The following ABHD18 variants were observed in gnomAD, a reference collection of about 807,000 sequenced individuals.
The protein encoded by ABHD18 is abhydrolase domain containing 18, also known as cardiolipin-specific deacylase, mitochondrial.
In ABHD18, 55 loss-of-function variants were observed where a neutral mutation model predicts 65.9. The ratio of observed to expected loss-of-function variants is 0.84; its 90% confidence interval spans 0.67 to 1.05. The LOEUF (loss-of-function observed/expected upper bound fraction) is 1.05, where lower values mean the gene tolerates loss of function less well. Ranked by LOEUF, ABHD18 falls within the 50% of genes least tolerant of loss-of-function variation. The probability of loss-of-function intolerance (pLI) is 0.00; values close to 1 mark genes in which losing one functional copy is unlikely to be tolerated. For missense variants in ABHD18, 533 were observed against 558.5 expected, an observed-to-expected ratio of 0.95 and a Z score of 0.46; for synonymous variants, 181 against 180.2, an observed-to-expected ratio of 1.00 and a Z score of -0.04.
intron 7 of ABHD18, among the ~76,000 whole-genome samples, chr4:128,012,671 T>C (rs1754770032): frequency 6.6e-6 from 1 of 152,114 alleles, no homozygotes; most frequent in Middle Eastern, 3.2e-3. Context: ...AGGAGCCACC[T>C]GCATGAAGAC....
At chr4:127,995,753 T>G (rs1355412665) in intron 4 of ABHD18, among the ~76,000 whole-genome samples, 2 of 152,222 alleles carry the variant, frequency 1.3e-5, no homozygotes, top group Non-Finnish European at 2.9e-5. Context: ...TGCTTTTTTC[T>G]AATGATTACA....
chr4:128,022,756 G>C (rs1475303220), intron 10 of ABHD18, among the ~76,000 whole-genome samples: 1 of 150,748 alleles, frequency 6.6e-6, no homozygotes, highest in Non-Finnish European at 1.5e-5. Context: ...CTTCAAAAGT[G>C]ACCGATCCTT....
Position 128,021,273 on chromosome 4 carries a change from G to C in ABHD18, c.801+35G>C, listed in dbSNP as rs536190381. 9 of 1,213,732 alleles carry C rather than the reference G, an allele frequency of 7.4e-6. No individual in the cohort carries two copies. In the South Asian group the frequency reaches 1.2e-4, roughly 16 times the overall value. The allele number at this position is 1,213,732 out of a possible 1,614,324, so 75.2% of individuals were successfully genotyped here. A position where few individuals can be genotyped will look rare whatever the true frequency, so the allele number is the denominator to read the frequency against. On this transcript the variant is annotated intron_variant, in intron 10 of 12. Coordinates refer to ENST00000645843, the MANE Select transcript of ABHD18 (RefSeq NM_001358451.3). ...TCACTTTCCACCCAACATTGGTGGTGGGGGGAGTTGATTGTATATTTAATG... is the reference window on the plus strand; with the variant it reads ...TCACTTTCCACCCAACATTGGTGGTCGGGGGAGTTGATTGTATATTTAATG...
chr4:128,021,099 A>G, intron 9 of ABHD18, 38 bp from the exon 10 acceptor site: 1 of 1,302,398 alleles, frequency 7.7e-7, no homozygotes, highest in East Asian at 2.5e-5. Flanking sequence ...AAATTGCCTT[A>G]TGATGTGGTT....
chr4:127,972,308 G>A (rs1293725815), intron 1 of ABHD18, among the ~76,000 whole-genome samples: 1 of 152,020 alleles, frequency 6.6e-6, no homozygotes, highest in Non-Finnish European at 1.5e-5. Flanking sequence ...TGAATCTTTG[G>A]CCATGTGATT....
At chr4:128,023,673 G>T (rs943240746) in intron 10 of ABHD18, among the ~76,000 whole-genome samples, 23 of 151,630 alleles carry the variant, frequency 1.5e-4, no homozygotes, top group African/African-American at 5.6e-4. Context: ...GAGGTCAGGA[G>T]ATCGAGACCA....
intron 1 of ABHD18, among the ~76,000 whole-genome samples, chr4:127,974,366 C>T (rs1747489046): frequency 6.6e-6 from 1 of 151,006 alleles, no homozygotes; most frequent in South Asian, 2.1e-4. Flanking sequence ...GACCACTGCA[C>T]CCAACTGTAT....
chr4:128,030,518 G>T lies in ABHD18; in HGVS notation c.1189G>T (p.Asp397Tyr), dbSNP rs1467261271. The change falls in exon 12 of 13, where the codon GAT becomes TAT. Residue 397 changes from aspartate to tyrosine, a missense_variant. By Grantham distance (160) the Asp-to-Tyr change is radical. Coordinates refer to ENST00000645843, the MANE Select transcript of ABHD18 (RefSeq NM_001358451.3). ...AAAAATCCTATACCTAGTCCCAGTTGATCCAAGCCTCATTATAGTGGTTCA... is the reference window on the plus strand; with the variant it reads ...AAAAATCCTATACCTAGTCCCAGTTTATCCAAGCCTCATTATAGTGGTTCA... The part of the protein sequence containing the change: ...THVANFSVPV[D>Y]PSLIIVVQAK... 1.3e-6 allele frequency: 2 copies of T among 1,549,016 alleles called. No homozygotes were observed. The highest frequency in any genetic ancestry group is 1.4e-5 in the African/African-American group (1 of 71,140).
intron 4 of ABHD18, among the ~76,000 whole-genome samples, chr4:128,000,524 G>T (rs894387167): frequency 3.3e-5 from 5 of 152,124 alleles, no homozygotes; most frequent in Non-Finnish European, 7.3e-5. Flanking sequence ...GTGCTGTTTT[G>T]GTTACTATAG....
chr4:127,967,135 T>C (rs1478743408), intron 1 of ABHD18, among the ~76,000 whole-genome samples: 2 of 151,796 alleles, frequency 1.3e-5, no homozygotes, highest in African/African-American at 4.8e-5. Flanking sequence ...GGCACATATA[T>C]AGTGGACAAG....
At chr4:128,015,865 A>C (rs1328211514) in intron 7 of ABHD18, among the ~76,000 whole-genome samples, 1 of 152,042 alleles carries the variant, frequency 6.6e-6, no homozygotes, top group Admixed American at 6.6e-5. Context: ...AGTAGATTCT[A>C]ATTTGGTCAT....
At chr4:127,965,808 G>C (rs1745144479) in intron 1 of ABHD18, 1 of 155,148 alleles carries the variant, frequency 6.4e-6, no homozygotes, top group South Asian at 1.9e-4. Flanking sequence ...TAATGGGGGC[G>C]AGCGCGCGGG....
At chr4:128,022,769 CTTT>C (rs1234304858) in intron 10 of ABHD18, among the ~76,000 whole-genome samples, 2 of 130,954 alleles carry the variant, frequency 1.5e-5, no homozygotes, top group Non-Finnish European at 1.7e-5. Flanking sequence ...CGATCCTTTT[CTTT>C]TTTTTTTTTT....
chr4:127,989,851 T>A, intron 4 of ABHD18, 30 bp downstream of exon 4: 1 of 1,317,304 alleles, frequency 7.6e-7, no homozygotes, highest in Non-Finnish European at 1.0e-6. Flanking sequence ...AAAAGATGAA[T>A]ACATTATTTA....
At position 127,983,028 on chromosome 4, in the gene ABHD18, AG is replaced by A; in HGVS notation, c.75del (p.Arg25SerfsTer14). The A allele has an allele frequency of 6.4e-7, 1 of 1,557,722 alleles. No individual in the cohort carries two copies. Among genetic ancestry groups the A allele is most frequent in the Non-Finnish European group, 8.7e-7 (1 of 1,149,730 alleles). On this transcript the variant is annotated frameshift_variant, in exon 2 of 13. Coordinates refer to ENST00000645843, the MANE Select transcript of ABHD18 (RefSeq NM_001358451.3). LOFTEE classifies it high-confidence loss of function. ...LTKLFIRGWG[R>X]PEDLKRLFEF... Reference sequence around the variant, plus strand: ...AAAACTTTTTATCAGAGGATGGGGAAGGCCAGAAGATCTCAAAAGGCAAGCA... The same window carrying A: ...AAAACTTTTTATCAGAGGATGGGGAAGCCAGAAGATCTCAAAAGGCAAGCA...
chr4:127,996,050 G>A (rs1751676459), intron 4 of ABHD18, among the ~76,000 whole-genome samples: 1 of 152,178 alleles, frequency 6.6e-6, no homozygotes, highest in African/African-American at 2.4e-5. Flanking sequence ...GAAAGATACA[G>A]GCAGGAATAA....
At chr4:127,983,594 G>A (rs1442495907) in intron 2 of ABHD18, among the ~76,000 whole-genome samples, 7 of 152,100 alleles carry the variant, frequency 4.6e-5, no homozygotes, top group African/African-American at 9.7e-5. Context: ...GGCTGGGCGC[G>A]GTGGCTCACG....
At chr4:127,975,079 C>G (rs1165891229) in intron 1 of ABHD18, among the ~76,000 whole-genome samples, 1 of 150,886 alleles carries the variant, frequency 6.6e-6, no homozygotes, top group Non-Finnish European at 1.5e-5. Flanking sequence ...CAATTTACTT[C>G]CCCTCAAAAT....
intron 11 of ABHD18, among the ~76,000 whole-genome samples, chr4:128,029,829 CAAAAAT>C (rs1297593107): frequency 1.1e-4 from 17 of 151,572 alleles, no homozygotes; most frequent in Non-Finnish European, 4.4e-5. Context: ...ATCTCAAAAA[CAAAAAT>C]AAATTAGCTG....
Sources: gnomAD v4.1 joint callset for allele counts (sites outside exome capture counted in the v4.1 genomes callset) on GRCh38, gnomAD v4.1.1 for gene constraint, MANE v1.5 for transcripts, NCBI Gene and HGNC (gene_info 2026-07-23, HGNC 2026-07-21) for gene names.